The following VPS13B variants were observed in gnomAD, a reference collection of about 807,000 sequenced individuals.
VPS13B encodes the protein vacuolar protein sorting 13 homolog B, also known as intermembrane lipid transfer protein VPS13B.
Under a neutral mutation model 426.4 loss-of-function variants are expected in VPS13B, and 285 were observed. That is an observed-to-expected ratio of 0.67 (90% CI 0.61 to 0.74). The LOEUF is 0.74. Among genes scored for constraint, VPS13B ranks in the 30% least tolerant of loss-of-function variants. The probability of loss-of-function intolerance (pLI) is 0.00; values close to 1 mark genes in which losing one functional copy is unlikely to be tolerated. For synonymous variants in VPS13B, 1,676 were observed against 1,676.4 expected (o/e 1.00, Z 0.01); for missense variants, 4,537 against 4,782.6 (o/e 0.95, Z 1.51).
At chr8:99,301,376 C>T (rs898732074) in intron 19 of VPS13B, among the ~76,000 whole-genome samples, 1 of 151,494 alleles carries the variant, frequency 6.6e-6, no homozygotes, top group Non-Finnish European at 1.5e-5. Context: ...TCACCGCAAC[C>T]TCCACCTTCC....
intron 44 of VPS13B, among the ~76,000 whole-genome samples, chr8:99,811,017 T>A (rs1190440233): frequency 1.3e-5 from 2 of 152,318 alleles, no homozygotes; most frequent in East Asian, 3.9e-4. Context: ...ATGAATCTGC[T>A]GTCAATGAAT....
At chr8:99,846,370 C>A (rs1815984296) in intron 54 of VPS13B, among the ~76,000 whole-genome samples, 1 of 152,192 alleles carries the variant, frequency 6.6e-6, no homozygotes, top group Non-Finnish European at 1.5e-5. Context: ...CTTCTCTGTG[C>A]CTGATGCAGT....
chr8:99,751,787 A>G (rs970567366), intron 39 of VPS13B, among the ~76,000 whole-genome samples: 2 of 152,212 alleles, frequency 1.3e-5, no homozygotes, highest in African/African-American at 2.4e-5. Context: ...GATAGAAAAC[A>G]TGAGAATGCT....
chr8:99,090,390 C>T (rs1846078025), intron 3 of VPS13B, among the ~76,000 whole-genome samples: 1 of 151,836 alleles, frequency 6.6e-6, no homozygotes, highest in Admixed American at 6.6e-5. Flanking sequence ...GCCTCAGCCT[C>T]CTGAGTAGCT....
chr8:99,685,570 C>T (rs1588621770), intron 35 of VPS13B, among the ~76,000 whole-genome samples: 2 of 152,182 alleles, frequency 1.3e-5, no homozygotes, highest in African/African-American at 4.8e-5. Flanking sequence ...ATTGTCTCCT[C>T]TGATTGTGTA....
intron 16 of VPS13B, among the ~76,000 whole-genome samples, chr8:99,181,821 T>G (rs1333687000): frequency 6.6e-6 from 1 of 152,056 alleles, no homozygotes; most frequent in Non-Finnish European, 1.5e-5. Context: ...TTAATAAATT[T>G]ATAAACTTCT....
chr8:99,654,313 G>A (rs1829941039), intron 34 of VPS13B, among the ~76,000 whole-genome samples: 1 of 152,052 alleles, frequency 6.6e-6, no homozygotes. Context: ...CTTCCAAAGT[G>A]CTGGGATTAC....
chr8:99,766,569 T>C (rs1811238958), intron 39 of VPS13B, among the ~76,000 whole-genome samples: 1 of 152,234 alleles, frequency 6.6e-6, no homozygotes, highest in Non-Finnish European at 1.5e-5. Context: ...TGTTTTTATA[T>C]ATTATTCTTG....
At chr8:99,443,986 C>A (rs992874975) in intron 23 of VPS13B, among the ~76,000 whole-genome samples, 1 of 150,698 alleles carries the variant, frequency 6.6e-6, no homozygotes. Flanking sequence ...TGTTATTATC[C>A]GCTTTGTTTC....
At chr8:99,038,960 T>C (rs946825415) in intron 3 of VPS13B, among the ~76,000 whole-genome samples, 13 of 152,230 alleles carry the variant, frequency 8.5e-5, no homozygotes, top group Non-Finnish European at 1.9e-4. Context: ...ACTGGGATTA[T>C]AGGCATGAGC....
chr8:99,268,109 T>G (rs1386977482), intron 17 of VPS13B, among the ~76,000 whole-genome samples: 1 of 152,206 alleles, frequency 6.6e-6, no homozygotes, highest in African/African-American at 2.4e-5. Flanking sequence ...AGACAAAAAT[T>G]GAGGTTTGGG....
intron 21 of VPS13B, among the ~76,000 whole-genome samples, chr8:99,392,704 A>C (rs1814510235): frequency 6.6e-6 from 1 of 152,146 alleles, no homozygotes; most frequent in Non-Finnish European, 1.5e-5. Context: ...AAAATGCTAA[A>C]ATAAATTTGT....
intron 14 of VPS13B, among the ~76,000 whole-genome samples, chr8:99,149,783 G>A (rs1242966582): frequency 3.3e-5 from 5 of 152,036 alleles, no homozygotes; most frequent in Non-Finnish European, 5.9e-5. Flanking sequence ...CCTGAGCTCC[G>A]CCTCCTGTGA....
intron 33 of VPS13B, among the ~76,000 whole-genome samples, chr8:99,622,792 C>G (rs920984008): frequency 2.0e-5 from 3 of 152,136 alleles, no homozygotes; most frequent in African/African-American, 7.2e-5. Flanking sequence ...TTATACTCAC[C>G]TCCTGTTTCT....
intron 3 of VPS13B, among the ~76,000 whole-genome samples, chr8:99,081,653 G>A (rs767227582): frequency 3.6e-5 from 5 of 137,412 alleles, no homozygotes; most frequent in Non-Finnish European, 6.1e-5. Flanking sequence ...GATGTTCCGC[G>A]TCGTATGTCC....
intron 12 of VPS13B, 138 bp from the exon 13 acceptor site, chr8:99,142,836 G>T (rs999435987): frequency 1.6e-5 from 12 of 749,970 alleles, no homozygotes; most frequent in Non-Finnish European, 2.5e-5. Context: ...AATCAGCAGG[G>T]CTCTCTGTAT....
rs544625339 is a variant in VPS13B, at chr8:99,421,875, T to C, written c.3083-9662T>C. On this transcript the variant is annotated intron_variant, in intron 21 of 61. Transcript: ENST00000357162. ...GTAATATTTTTTGGTAGAGACAAGGTTTTACCATGTTGTCCAGGATGATCT... is the reference window on the plus strand; with the variant it reads ...GTAATATTTTTTGGTAGAGACAAGGCTTTACCATGTTGTCCAGGATGATCT... 2.2e-4 allele frequency among the ~76,000 whole-genome samples: 34 copies of C among 152,054 alleles called. No homozygotes were observed. In the South Asian group the frequency reaches 6.7e-3, roughly 30 times the overall value.
Position 99,853,781 on chromosome 8 carries a change from A to G in VPS13B, c.10392A>G (p.Ile3464Met). The change falls in exon 56 of 62, where the codon ATA (isoleucine) becomes ATG (methionine). Residue 3464 changes from isoleucine (I) to methionine (M), a missense_variant. Ile to Met is a conservative substitution (Grantham distance 10). Around this residue, in one of 2 missense-constraint regions of VPS13B, gnomAD observed 4,311 missense variants for 4,474.3 expected, o/e 0.96. Coordinates refer to ENST00000357162, the MANE Select transcript of VPS13B (RefSeq NM_152564.5). ...GTTCCAAAATGCAGAGTCTCCTCATATCCAACAAAGAGTTGGAAGAATACA... is the reference window on the plus strand; with the variant it reads ...GTTCCAAAATGCAGAGTCTCCTCATGTCCAACAAAGAGTTGGAAGAATACA... ...IQCSKMQSLL[I>M]SNKELEEYKE... The G allele has an allele frequency of 1.2e-6, 2 of 1,614,244 alleles. No homozygotes were observed. Among genetic ancestry groups the G allele is most frequent in the East Asian group, 2.2e-5 (1 of 44,894 alleles).
chr8:99,109,648 G>A (rs191480582), intron 5 of VPS13B, among the ~76,000 whole-genome samples: 23 of 152,170 alleles, frequency 1.5e-4, no homozygotes, highest in Non-Finnish European at 1.8e-4. Context: ...CAAAGTGCTG[G>A]GATTATAGGC....
Sources: allele counts gnomAD v4.1 joint callset (sites outside exome capture counted in the v4.1 genomes callset), GRCh38; gene constraint gnomAD v4.1.1; regional missense constraint gnomAD v4.1.1; transcripts MANE v1.5; gene names NCBI Gene and HGNC (gene_info 2026-07-23, HGNC 2026-07-21).